The following LIMK1 variants were observed in gnomAD, a reference collection of about 807,000 sequenced individuals.
LIMK1 encodes LIM domain kinase 1, also known as LIM motif-containing protein kinase.
A neutral mutation model predicts 77.6 loss-of-function variants in LIMK1; 21 were observed. That is an observed-to-expected ratio of 0.27 (90% CI 0.19 to 0.39). LIMK1 has a LOEUF of 0.39. LIMK1 is among the 10% of genes least tolerant of loss of function. The probability of loss-of-function intolerance (pLI) is 1.00; values close to 1 mark genes in which losing one functional copy is unlikely to be tolerated. For missense variants in LIMK1, 696 were observed against 901.6 expected (o/e 0.77, Z 2.92); for synonymous variants, 358 against 370.0 (o/e 0.97, Z 0.37).
chr7:74,101,898 C>T (rs1799466129), intron 5 of LIMK1, among the ~76,000 whole-genome samples: 1 of 152,072 alleles, frequency 6.6e-6, no homozygotes, highest in African/African-American at 2.4e-5. Flanking sequence ...AATCATAGCT[C>T]ACTATAGCCT....
rs781901818 is a variant in LIMK1, at chr7:74,096,644, C to T, written c.175C>T (p.Leu59=). The change falls in exon 3 of 16, where the codon CTG becomes TTG. Residue 59 remains leucine (L), a synonymous_variant. Transcript: ENST00000336180. ...CFRCCDCSAS[L]SHQYYEKDGQ... is the part of the protein sequence containing the mutation. ...CAGGTGTTGTGACTGCAGTGCCTCC[C>T]TGTCGCACCAGTACTATGAGAAGGA... The T allele has an allele frequency of 6.2e-7, 1 of 1,614,064 alleles. No homozygotes were observed.
chr7:74,118,852 T>A (rs1007075422), intron 13 of LIMK1, among the ~76,000 whole-genome samples: 1 of 152,188 alleles, frequency 6.6e-6, no homozygotes, highest in South Asian at 2.1e-4. Flanking sequence ...TAAATGAGAA[T>A]TGACATTTAG....
chr7:74,087,359 G>A lies in LIMK1; in HGVS notation c.152+1515G>A, dbSNP rs1799153493. 1.3e-5 allele frequency among the ~76,000 whole-genome samples: 2 copies of A among 152,068 alleles called. 1 individual carries two copies. The highest frequency in any genetic ancestry group is 4.1e-4 in the South Asian group (2 of 4,820). On this transcript the variant is annotated intron_variant, in intron 2 of 15. Transcript: ENST00000336180. ...GTGGAGGCTGCAGTGAGCTATGATC[G>A]CACCACTGCACTCTAGCCTGGGCAA...
Position 74,121,061 on chromosome 7 carries a change from G to A in LIMK1, c.1781+12G>A, listed in dbSNP as rs1563927079. 1.3e-6 allele frequency: 2 copies of A among 1,594,670 alleles called. No individual in the cohort carries two copies. Among genetic ancestry groups the A allele is most frequent in the Non-Finnish European group, 1.7e-6 (2 of 1,168,610 alleles). ...GACCCCGAGAAGAGGTGAGTGGGGT[G>A]GGGCCCTGGCCTGGGAGACGGTGGG... On this transcript the variant is annotated intron_variant, in intron 15 of 15. Transcript: ENST00000336180.
chr7:74,115,510 G>T, intron 12 of LIMK1: 1 of 380,034 alleles, frequency 2.6e-6, no homozygotes. Context: ...TTGCAGGAGG[G>T]AGCAGTGGGT....
intron 8 of LIMK1, 142 bp from the exon 9 acceptor site, chr7:74,107,729 T>G: frequency 1.7e-6 from 1 of 598,114 alleles, no homozygotes; most frequent in South Asian, 2.1e-5. Flanking sequence ...TCCACTTGGG[T>G]ATTTGGGAAC....
intron 2 of LIMK1, among the ~76,000 whole-genome samples, chr7:74,092,070 G>T (rs529260801): frequency 6.8e-6 from 1 of 147,506 alleles, no homozygotes; most frequent in African/African-American, 2.5e-5. Flanking sequence ...GGGTTCAAGC[G>T]ATTCTCCTGC....
intron 8 of LIMK1, among the ~76,000 whole-genome samples, chr7:74,107,394 G>A (rs1405193445): frequency 6.6e-6 from 1 of 152,150 alleles, no homozygotes; most frequent in Non-Finnish European, 1.5e-5. Flanking sequence ...TGTGCGGGAG[G>A]TCATTGAAAG....
In LIMK1 at chr7:74,084,058, C is replaced by A; in HGVS notation, c.55+13C>A. On this transcript the variant is annotated intron_variant, in intron 1 of 15. Coordinates refer to ENST00000336180, the MANE Select transcript of LIMK1 (RefSeq NM_002314.4). ...ATGGGAGAGGAAGGTGCGCGGGCCG[C>A]GGGGTGTGGGGCGAGGGCCTGGAGG... The A allele has an allele frequency of 1.4e-6, 2 of 1,464,902 alleles. No homozygotes were observed. Among genetic ancestry groups the A allele is most frequent in the African/African-American group, 1.5e-5 (1 of 68,784 alleles). 90.7% of individuals were successfully genotyped at this position (1,464,902 alleles called of 1,614,324 possible).
chr7:74,087,299 G>A (rs1448916685), intron 2 of LIMK1, among the ~76,000 whole-genome samples: 1 of 152,132 alleles, frequency 6.6e-6, no homozygotes, highest in African/African-American at 2.4e-5. Context: ...AGCTACTCAA[G>A]AGGCTGAGGT....
At chr7:74,103,287 C>A (rs1185297734) in intron 5 of LIMK1, among the ~76,000 whole-genome samples, 1 of 145,556 alleles carries the variant, frequency 6.9e-6, no homozygotes, top group Non-Finnish European at 1.5e-5. Flanking sequence ...GACAGGGTCT[C>A]ACTGTGTTGC....
chr7:74,091,814 C>T (rs1584107895), intron 2 of LIMK1, among the ~76,000 whole-genome samples: 1 of 151,978 alleles, frequency 6.6e-6, no homozygotes, highest in Admixed American at 6.6e-5. Flanking sequence ...GGGGTAGGGC[C>T]GGTGCATGTG....
Position 74,099,218 on chromosome 7 carries a change from A to G in LIMK1, c.588A>G (p.Ser196=). The change falls in exon 5 of 16, where the codon TCA becomes TCG. Residue 196 remains serine, a synonymous_variant. Transcript: ENST00000336180. ...CACCGGGCTGTGGCACCGAGCACTC[A>G]CACACCGTCCGCGTCCAGGGGTGAG... ...HGPPGCGTEH[S]HTVRVQGVDP... 1 of 1,606,996 alleles carries G rather than the reference A, an allele frequency of 6.2e-7. No individual in the cohort carries two copies. The highest frequency in any genetic ancestry group is 8.5e-7 in the Non-Finnish European group (1 of 1,179,926).
chr7:74,118,098 GA>G lies in LIMK1; in HGVS notation c.1567+2153del, dbSNP rs1189851879. On this transcript the variant is annotated intron_variant, in intron 13 of 15. Transcript: ENST00000336180. ...ACAGAGGAAGACTGTGTCTCAAAAA[GA>G]AAAAAAAAAAAACCTTCCTGTAATC... 1.2e-3 allele frequency among the ~76,000 whole-genome samples: 157 copies of G among 131,452 alleles called. 1 individual carries two copies. Among genetic ancestry groups the G allele is most frequent in the East Asian group, 5.7e-3 (26 of 4,558 alleles). 86.2% of individuals were successfully genotyped at this position (131,452 alleles called of 152,430 possible).
intron 10 of LIMK1, 97 bp downstream of exon 10, chr7:74,109,133 C>G (rs779779074): frequency 1.0e-5 from 10 of 954,234 alleles, no homozygotes; most frequent in African/African-American, 6.5e-5. Flanking sequence ...TGGGGGGAAG[C>G]CACAGGGGTC....
In LIMK1 at chr7:74,115,687, A is replaced by G. The variant is rs1454684518; in HGVS notation, c.1411-115A>G. The G allele has an allele frequency of 2.3e-5, 27 of 1,154,488 alleles. 1 individual carries two copies. The South Asian group carries it at 2.9e-4, about 13-fold the overall frequency. The allele number at this position is 1,154,488 out of a possible 1,614,324, so 71.5% of individuals were successfully genotyped here. On this transcript the variant is annotated intron_variant, in intron 12 of 15. Transcript: ENST00000336180. ...TCCCCACCCTGTGCCAATACAGCGT[A>G]TCAGAGGTATGTTCTCTGGGCTGTC... is the stretch of plus-strand genomic sequence containing the variant.
At chr7:74,119,163 G>A (rs1799881360) in intron 13 of LIMK1, among the ~76,000 whole-genome samples, 2 of 151,440 alleles carry the variant, frequency 1.3e-5, no homozygotes, top group Admixed American at 6.6e-5. Flanking sequence ...GATTACAGGT[G>A]TGAGCCACCG....
chr7:74,096,856 T>C, intron 3 of LIMK1, 96 bp downstream of exon 3: 2 of 1,443,262 alleles, frequency 1.4e-6, no homozygotes, highest in East Asian at 2.3e-5. Context: ...TCTCCTGGTC[T>C]CCTTTTTGCT....
At chr7:74,106,049 C>T (rs372786533) in intron 6 of LIMK1, 28 bp from the exon 7 acceptor site, 11 of 1,613,648 alleles carry the variant, frequency 6.8e-6, no homozygotes, top group Non-Finnish European at 9.3e-6. Context: ...CCCCACTCCA[C>T]CCCCATTCAC....
Sources: allele counts gnomAD v4.1 joint callset (sites outside exome capture counted in the v4.1 genomes callset), GRCh38; gene constraint gnomAD v4.1.1; transcripts MANE v1.5; gene names NCBI Gene and HGNC (gene_info 2026-07-23, HGNC 2026-07-21).